The following ULK4 variants were observed in gnomAD, a reference collection of about 807,000 sequenced individuals.
The protein encoded by ULK4 is inactive serine/threonine-protein kinase ULK4.
Under a neutral mutation model 160.6 loss-of-function variants are expected in ULK4, and 133 were observed. The observed-to-expected ratio is 0.83, with a 90% CI of 0.72 to 0.96. ULK4 has a LOEUF of 0.96. ULK4 is among the 40% of genes least tolerant of loss of function. The pLI is 0.00. For missense variants in ULK4, 1,580 were observed against 1,499.5 expected (o/e 1.05, Z -0.89); for synonymous variants, 534 against 539.8 (o/e 0.99, Z 0.15).
At position 41,870,875 on chromosome 3, in the gene ULK4, G is replaced by A. The variant is rs138307343; in HGVS notation, c.1656+12999C>T. Among the ~76,000 whole-genome samples the A allele has an allele frequency of 1.9e-4, 29 of 152,214 alleles. 1 individual carries two copies. In the East Asian group the frequency reaches 4.8e-3, roughly 25 times the overall value. On this transcript the variant is annotated intron_variant, in intron 17 of 36. Coordinates refer to ENST00000301831, the MANE Select transcript of ULK4 (RefSeq NM_017886.4). ...CCCCACCCAAATCTCACCCTGAATC[G>A]TAATAATCCCCACATGTCAAGGGTG...
intron 19 of ULK4, among the ~76,000 whole-genome samples, chr3:41,802,788 A>G (rs2040502015): frequency 6.6e-6 from 1 of 152,212 alleles, no homozygotes; most frequent in African/African-American, 2.4e-5. Context: ...AAGTTCTAAC[A>G]TACATGAGGT....
At chr3:41,675,258 T>C (rs2035673916) in intron 29 of ULK4, among the ~76,000 whole-genome samples, 1 of 150,420 alleles carries the variant, frequency 6.6e-6, no homozygotes, top group South Asian at 2.1e-4. Context: ...AAAGAGAAAG[T>C]GTTTCTGAAG....
chr3:41,852,580 A>C (rs1223497172), intron 17 of ULK4, among the ~76,000 whole-genome samples: 1 of 146,238 alleles, frequency 6.8e-6, no homozygotes, highest in Non-Finnish European at 1.5e-5. Context: ...CAAAGACCAA[A>C]AATAGAAAAG....
At chr3:41,632,053 G>A (rs2033770125) in intron 30 of ULK4, among the ~76,000 whole-genome samples, 2 of 152,008 alleles carry the variant, frequency 1.3e-5, no homozygotes, top group African/African-American at 4.8e-5. Context: ...TTGAATCTTT[G>A]GCATTCTCCC....
intron 2 of ULK4, among the ~76,000 whole-genome samples, chr3:41,949,547 C>T (rs1336306004): frequency 2.0e-5 from 3 of 151,580 alleles, no homozygotes; most frequent in Admixed American, 6.6e-5. Context: ...ATTCTCCTGC[C>T]TCAGCCTCCC....
chr3:41,257,019 G>A (rs959846536), intron 35 of ULK4, among the ~76,000 whole-genome samples: 3 of 152,110 alleles, frequency 2.0e-5, no homozygotes, highest in African/African-American at 7.2e-5. Context: ...AGGCCACCAT[G>A]CCCAGCTAAA....
intron 32 of ULK4, among the ~76,000 whole-genome samples, chr3:41,469,539 T>G (rs533823040): frequency 4.7e-5 from 6 of 128,024 alleles, no homozygotes; most frequent in African/African-American, 1.5e-4. Flanking sequence ...TGCCTGCCCA[T>G]GGCCATCAAA....
chr3:41,742,809 A>C (rs1356091434), intron 22 of ULK4, among the ~76,000 whole-genome samples: 1 of 152,006 alleles, frequency 6.6e-6, no homozygotes, highest in Non-Finnish European at 1.5e-5. Flanking sequence ...AACTGAAAAA[A>C]TACAATAACC....
At chr3:41,602,847 A>T (rs1045725854) in intron 31 of ULK4, among the ~76,000 whole-genome samples, 1 of 152,132 alleles carries the variant, frequency 6.6e-6, no homozygotes, top group Non-Finnish European at 1.5e-5. Context: ...CTAAACAAAG[A>T]GAAATCCTCA....
At chr3:41,523,525 T>C (rs1476145255) in intron 32 of ULK4, among the ~76,000 whole-genome samples, 1 of 152,272 alleles carries the variant, frequency 6.6e-6, no homozygotes, top group South Asian at 2.1e-4. Context: ...TTTATTACAA[T>C]AAAAAATAAA....
chr3:41,470,018 GAAAAAAAA>G (rs71094650), intron 32 of ULK4, among the ~76,000 whole-genome samples: 26 of 45,974 alleles, frequency 5.7e-4, no homozygotes, highest in East Asian at 1.8e-3. Context: ...AAACAGAACA[GAAAAAAAA>G]AAAAAAAAAA....
At chr3:41,774,550 G>C (rs10452022) in intron 21 of ULK4, among the ~76,000 whole-genome samples, 1 of 144,544 alleles carries the variant, frequency 6.9e-6, no homozygotes, top group Non-Finnish European at 1.5e-5. Flanking sequence ...TTAGAATGGC[G>C]ATCATTAAAA....
At chr3:41,279,255 TA>T (rs771175184) in intron 35 of ULK4, among the ~76,000 whole-genome samples, 127 of 43,062 alleles carry the variant, frequency 2.9e-3, no homozygotes, top group South Asian at 4.5e-3. Context: ...AAAAAAAGAG[TA>T]AAAAAAAAAA....
chr3:41,470,176 T>A (rs1214395439), intron 32 of ULK4, among the ~76,000 whole-genome samples: 1 of 149,934 alleles, frequency 6.7e-6, no homozygotes, highest in Non-Finnish European at 1.5e-5. Flanking sequence ...CCAGGACACA[T>A]AATCAAATTA....
intron 30 of ULK4, among the ~76,000 whole-genome samples, chr3:41,641,874 T>C (rs1268135836): frequency 1.5e-5 from 2 of 133,874 alleles, no homozygotes; most frequent in Non-Finnish European, 3.0e-5. Flanking sequence ...TTAATACCTT[T>C]TTTTTTTTTT....
chr3:41,524,389 C>A (rs541078057), intron 32 of ULK4, among the ~76,000 whole-genome samples: 111 of 152,320 alleles, frequency 7.3e-4, no homozygotes, highest in African/African-American at 2.4e-3. Flanking sequence ...CTTTCTCCCA[C>A]CTCTTACTCC....
At chr3:41,502,465 AAT>A (rs2085244539) in intron 32 of ULK4, among the ~76,000 whole-genome samples, 1 of 152,240 alleles carries the variant, frequency 6.6e-6, no homozygotes, top group South Asian at 2.1e-4. Context: ...GCTCAAGAAA[AAT>A]GAAAACGGAT....
chr3:41,866,618 C>T (rs558503749), intron 17 of ULK4, among the ~76,000 whole-genome samples: 1 of 152,314 alleles, frequency 6.6e-6, no homozygotes, highest in East Asian at 1.9e-4. Flanking sequence ...AGCCCGGTTC[C>T]TAACAGGCCA....
chr3:41,931,796 T>C (rs539940295), intron 5 of ULK4, 48 bp downstream of exon 5: 4 of 1,596,358 alleles, frequency 2.5e-6, no homozygotes, highest in South Asian at 2.2e-5. Context: ...AGGACTTGGA[T>C]GGTCCACAAC....
Sources: gnomAD v4.1 joint callset for allele counts (sites outside exome capture counted in the v4.1 genomes callset) on GRCh38, gnomAD v4.1.1 for gene constraint, MANE v1.5 for transcripts, NCBI Gene and HGNC (gene_info 2026-07-23, HGNC 2026-07-21) for gene names.